The following PSD3 variants were observed in gnomAD, a reference collection of about 807,000 sequenced individuals.
PSD3 encodes the protein PH and SEC7 domain-containing protein 3.
In PSD3, 49 loss-of-function variants were observed where a neutral mutation model predicts 105.5. That is an observed-to-expected ratio of 0.46 (90% CI 0.37 to 0.59). The LOEUF is 0.59. Among genes scored for constraint, PSD3 ranks in the 20% least tolerant of loss-of-function variants. The probability of loss-of-function intolerance (pLI) is 0.00; values close to 1 mark genes in which losing one functional copy is unlikely to be tolerated. For synonymous variants in PSD3, 557 were observed against 457.8 expected (o/e 1.22, Z -2.77); for missense variants, 1,561 against 1,263.8 (o/e 1.24, Z -3.57).
chr8:18,814,930 T>C (rs892738241), intron 4 of PSD3, among the ~76,000 whole-genome samples: 10 of 152,230 alleles, frequency 6.6e-5, no homozygotes, highest in African/African-American at 2.2e-4. Flanking sequence ...AAAGTAGACA[T>C]GCCTTATGTG....
intron 8 of PSD3, among the ~76,000 whole-genome samples, chr8:18,785,341 A>C (rs1210477286): frequency 2.0e-5 from 3 of 152,168 alleles, no homozygotes; most frequent in Non-Finnish European, 2.9e-5. Context: ...CTGCTCCACC[A>C]AGCATTTTAG....
chr8:18,638,112 G>C (rs555705712), intron 10 of PSD3, among the ~76,000 whole-genome samples: 3 of 140,180 alleles, frequency 2.1e-5, no homozygotes, highest in African/African-American at 8.2e-5. Flanking sequence ...CTAAGATCAC[G>C]CCACTGCACT....
chr8:18,810,448 T>C (rs1261380578), intron 4 of PSD3, among the ~76,000 whole-genome samples: 2 of 152,246 alleles, frequency 1.3e-5, no homozygotes, highest in African/African-American at 4.8e-5. Flanking sequence ...TACTCAATAG[T>C]GTACTGTTTT....
intron 2 of PSD3, among the ~76,000 whole-genome samples, chr8:18,879,588 T>A (rs887250619): frequency 6.6e-6 from 1 of 151,192 alleles, no homozygotes; most frequent in Non-Finnish European, 1.5e-5. Flanking sequence ...TCATTCATCA[T>A]TGCTTTTTTT....
intron 2 of PSD3, among the ~76,000 whole-genome samples, chr8:18,904,415 A>C (rs535339441): frequency 6.6e-6 from 1 of 152,304 alleles, no homozygotes; most frequent in East Asian, 1.9e-4. Context: ...GGGCTGCCCA[A>C]GGCTTCAGCG....
At chr8:18,860,302 A>G (rs958319627) in intron 4 of PSD3, among the ~76,000 whole-genome samples, 3 of 152,140 alleles carry the variant, frequency 2.0e-5, no homozygotes, top group Non-Finnish European at 4.4e-5. Context: ...CTGGGACCAC[A>G]GGTCACCATA....
Position 18,632,621 on chromosome 8 carries a change from C to A in PSD3, c.2402G>T (p.Gly801Val), listed in dbSNP as rs1301454720. 1 of 1,609,486 alleles carries A rather than the reference C, an allele frequency of 6.2e-7. No individual in the cohort carries two copies. The highest frequency in any genetic ancestry group is 8.5e-7 in the Non-Finnish European group (1 of 1,177,766). Residue 801 changes from glycine to valine, a missense_variant, in exon 11 of 16, where the codon GGA becomes GTA. Transcript: ENST00000327040. ...CAACGCATGATACTTACTCTTCTTTCCATCCATATCTGCATGAATTTTCCG... is the reference window on the plus strand; with the variant it reads ...CAACGCATGATACTTACTCTTCTTTACATCCATATCTGCATGAATTTTCCG... Reference protein sequence around the residue: ...LARKIHADMDGKKTPRGKRGW... With the variant: ...LARKIHADMDVKKTPRGKRGW...
chr8:18,950,929 T>C (rs1470658565), intron 1 of PSD3, among the ~76,000 whole-genome samples: 2 of 152,140 alleles, frequency 1.3e-5, no homozygotes, highest in Non-Finnish European at 2.9e-5. Context: ...AGGGCCGAGC[T>C]GCAATGGGTT....
intron 12 of PSD3, among the ~76,000 whole-genome samples, chr8:18,577,651 TAA>T (rs947953784): frequency 7.2e-5 from 11 of 152,110 alleles, no homozygotes; most frequent in South Asian, 2.1e-4. Context: ...GATGGAAATT[TAA>T]AAGAGTCTTT....
rs528770671 is a variant in PSD3 at position 18,971,968 on chromosome 8, G to A, written c.22-35826C>T. Reference sequence around the variant, plus strand: ...TGCAGTGAGCCGAGATCACGCCACAGCACACCAGCCTGGACAACACAGCAA... The same window carrying A: ...TGCAGTGAGCCGAGATCACGCCACAACACACCAGCCTGGACAACACAGCAA... On this transcript the variant is annotated intron_variant, in intron 1 of 15. Coordinates refer to ENST00000327040, the MANE Select transcript of PSD3 (RefSeq NM_015310.4). 2.6e-3 allele frequency among the ~76,000 whole-genome samples: 394 copies of A among 152,202 alleles called. 3 individuals are homozygous for A. The highest frequency in any genetic ancestry group is 9.0e-3 in the African/African-American group (374 of 41,524).
chr8:18,600,499 G>T, intron 11 of PSD3, 65 bp from the exon 12 acceptor site: 1 of 1,268,024 alleles, frequency 7.9e-7, no homozygotes, highest in South Asian at 1.3e-5. Flanking sequence ...GAATCTAAAT[G>T]ATCAACATGG....
chr8:19,035,758 G>T (rs369445491), intron 1 of PSD3, among the ~76,000 whole-genome samples: 10 of 146,480 alleles, frequency 6.8e-5, no homozygotes, highest in African/African-American at 1.9e-4. Flanking sequence ...TACTTTTTTT[G>T]GGGGGGGTGT....
At chr8:18,896,522 T>C (rs1253864615) in intron 2 of PSD3, among the ~76,000 whole-genome samples, 1 of 152,136 alleles carries the variant, frequency 6.6e-6, no homozygotes, top group Non-Finnish European at 1.5e-5. Context: ...CAAGTGATTC[T>C]CCCACCTCAG....
intron 11 of PSD3, among the ~76,000 whole-genome samples, chr8:18,615,306 A>C (rs1805577875): frequency 6.6e-6 from 1 of 151,784 alleles, no homozygotes; most frequent in African/African-American, 2.4e-5. Context: ...TCACCCAGTG[A>C]CTCTCTTTAA....
At chr8:19,066,220 A>G (rs1829071565) in intron 1 of PSD3, among the ~76,000 whole-genome samples, 1 of 152,266 alleles carries the variant, frequency 6.6e-6, no homozygotes, top group South Asian at 2.1e-4. Flanking sequence ...GATACTAGTT[A>G]GAACGTCATT....
intron 1 of PSD3, among the ~76,000 whole-genome samples, chr8:19,036,987 G>T (rs1003684180): frequency 1.3e-5 from 2 of 152,166 alleles, no homozygotes; most frequent in African/African-American, 4.8e-5. Flanking sequence ...ATTGTCTTCA[G>T]CATCCCCTGT....
At chr8:19,002,270 G>A (rs1294685964) in intron 1 of PSD3, among the ~76,000 whole-genome samples, 1 of 152,006 alleles carries the variant, frequency 6.6e-6, no homozygotes, top group African/African-American at 2.4e-5. Flanking sequence ...CTCCAAGGAA[G>A]GAAGGCGACA....
intron 10 of PSD3, among the ~76,000 whole-genome samples, chr8:18,633,126 G>T (rs754006905): frequency 6.6e-6 from 1 of 151,938 alleles, no homozygotes; most frequent in African/African-American, 2.4e-5. Context: ...TAAAGTCATT[G>T]GTCTTTTCAC....
chr8:18,566,120 G>A (rs533247889), intron 14 of PSD3, among the ~76,000 whole-genome samples: 106 of 152,222 alleles, frequency 7.0e-4, no homozygotes, highest in Middle Eastern at 3.4e-3. Flanking sequence ...AGAGCCTCAG[G>A]TGCTACTCCA....
Sources: gnomAD v4.1 joint callset for allele counts (sites outside exome capture counted in the v4.1 genomes callset) on GRCh38, gnomAD v4.1.1 for gene constraint, MANE v1.5 for transcripts, NCBI Gene and HGNC (gene_info 2026-07-23, HGNC 2026-07-21) for gene names.